RGS7BP: variants seen among roughly 807,000 people sequenced by gnomAD.
RGS7BP encodes the protein regulator of G protein signaling 7-binding protein.
Under a neutral mutation model 31.3 loss-of-function variants are expected in RGS7BP, and 9 were observed. The observed-to-expected ratio is 0.29, with a 90% confidence interval of 0.17 to 0.50. The LOEUF is 0.50. Among genes scored for constraint, RGS7BP ranks in the 20% least tolerant of loss-of-function variants. RGS7BP has a pLI of 0.98. For synonymous variants in RGS7BP, 115 were observed against 120.1 expected, an observed-to-expected ratio of 0.96 and a Z score of 0.28; for missense variants, 274 against 322.0, an observed-to-expected ratio of 0.85 and a Z score of 1.14.
intron 2 of RGS7BP, among the ~76,000 whole-genome samples, chr5:64,543,143 C>T (rs1741566458): frequency 6.6e-6 from 1 of 152,166 alleles, no homozygotes; most frequent in Admixed American, 6.5e-5. Flanking sequence ...TGAGGACACT[C>T]ATAGGAGACT....
intron 2 of RGS7BP, 27 bp downstream of exon 2, chr5:64,507,904 T>C (rs1474502535): frequency 1.3e-6 from 2 of 1,589,724 alleles, no homozygotes; most frequent in Admixed American, 1.7e-5. Flanking sequence ...TATTTGGTAA[T>C]CCATATACAT....
chr5:64,565,849 A>C (rs1742156667), intron 2 of RGS7BP, among the ~76,000 whole-genome samples: 1 of 152,178 alleles, frequency 6.6e-6, no homozygotes, highest in Admixed American at 6.6e-5. Context: ...CTTTTTGTAG[A>C]AAATAGATTT....
chr5:64,512,887 C>T (rs1447386893), intron 2 of RGS7BP, among the ~76,000 whole-genome samples: 1 of 152,054 alleles, frequency 6.6e-6, no homozygotes, highest in Admixed American at 6.5e-5. Flanking sequence ...CATAAATCAG[C>T]CTAGATTCTT....
chr5:64,521,758 C>T (rs1749113788), intron 2 of RGS7BP, among the ~76,000 whole-genome samples: 1 of 152,058 alleles, frequency 6.6e-6, no homozygotes, highest in African/African-American at 2.4e-5. Flanking sequence ...TAAAATGGTC[C>T]TTGATATATA....
Position 64,611,517 on chromosome 5 carries a change from G to A in RGS7BP, c.*2265G>A, listed in dbSNP as rs1392332204. 6.6e-6 allele frequency: 1 copy of A among 152,160 alleles called. No individual in the cohort carries two copies. Among genetic ancestry groups the A allele is most frequent in the African/African-American group, 2.4e-5 (1 of 41,342 alleles). 9.4% of individuals were successfully genotyped at this position (152,160 alleles called of 1,614,324 possible). A position where few individuals can be genotyped will look rare whatever the true frequency, so the allele number is the denominator to read the frequency against. The stretch of plus-strand genomic sequence containing the variant: ...AACTGAAGACTGTTAATAAATTCAG[G>A]TCTCACCTCCATGTCTGAAAAGGCT... On this transcript the variant is annotated 3_prime_UTR_variant, in exon 6 of 6. Coordinates refer to ENST00000334025, the MANE Select transcript of RGS7BP (RefSeq NM_001029875.3).
chr5:64,551,262 A>ATTTTTTT (rs1561331804), intron 2 of RGS7BP, among the ~76,000 whole-genome samples: 3 of 147,826 alleles, frequency 2.0e-5, no homozygotes, highest in African/African-American at 2.5e-5. Context: ...TTTATTTTTT[A>ATTTTTTT]TTTTATTTTT....
At position 64,506,477 on chromosome 5, in the gene RGS7BP, A is replaced by C. The variant is rs1748680545; in HGVS notation, c.-148A>C. 3 of 554,104 alleles carry C rather than the reference A, an allele frequency of 5.4e-6. No individual in the cohort carries two copies. The Admixed American group carries it at 1.0e-4, about 19-fold the overall frequency. The allele number at this position is 554,104 out of a possible 1,614,324, so 34.3% of individuals were successfully genotyped here. ...CCGGCTCTCCTTCAAGCTGAAGGTT[A>C]CCGACCCGCGCAGCCAGCCCCAGCA... is the stretch of plus-strand genomic sequence containing the variant. On this transcript the variant is annotated 5_prime_UTR_variant, in exon 1 of 6. Transcript: ENST00000334025. This position sits in a 1 kb window ranked among gnomAD's most constrained non-coding sequence, Gnocchi z 4.6.
intron 2 of RGS7BP, among the ~76,000 whole-genome samples, chr5:64,534,899 C>A (rs1331919590): frequency 6.6e-6 from 1 of 152,114 alleles, no homozygotes; most frequent in African/African-American, 2.4e-5. Flanking sequence ...GGGCTGGGCA[C>A]TGAGGTGCTC....
chr5:64,530,645 A>G (rs1749346369), intron 2 of RGS7BP, among the ~76,000 whole-genome samples: 1 of 152,176 alleles, frequency 6.6e-6, no homozygotes, highest in African/African-American at 2.4e-5. Context: ...ATGTGGTTCA[A>G]GTGTATTAGG....
chr5:64,544,660 C>A (rs981426067), intron 2 of RGS7BP, among the ~76,000 whole-genome samples: 1 of 150,586 alleles, frequency 6.6e-6, no homozygotes, highest in Non-Finnish European at 1.5e-5. Context: ...GGCAACCAAG[C>A]GAGACCCTGT....
At chr5:64,556,504 C>T (rs1361689385) in intron 2 of RGS7BP, among the ~76,000 whole-genome samples, 3 of 149,332 alleles carry the variant, frequency 2.0e-5, no homozygotes, top group Admixed American at 1.3e-4. Flanking sequence ...AGAAAATGTC[C>T]AGATGGTTAG....
chr5:64,573,350 G>A (rs1742344075), intron 2 of RGS7BP, among the ~76,000 whole-genome samples: 1 of 151,968 alleles, frequency 6.6e-6, no homozygotes, highest in Non-Finnish European at 1.5e-5. Context: ...TAATATGGTA[G>A]TCATTTGTTT....
At chr5:64,606,039 T>TATATAGAGAG (rs1423740473) in intron 5 of RGS7BP, among the ~76,000 whole-genome samples, 13 of 123,714 alleles carry the variant, frequency 1.1e-4, no homozygotes, top group African/African-American at 2.2e-4. Flanking sequence ...TATATATATA[T>TATATAGAGAG]AGAGAGAGAG....
chr5:64,608,427 CCCT>C (rs1743419226), intron 5 of RGS7BP, among the ~76,000 whole-genome samples: 6 of 151,966 alleles, frequency 3.9e-5, no homozygotes, highest in African/African-American at 1.2e-4. Context: ...TCTATGAATG[CCCT>C]TGTGTACAGA....
chr5:64,595,616 C>T (rs1354656868), intron 4 of RGS7BP, among the ~76,000 whole-genome samples: 1 of 152,138 alleles, frequency 6.6e-6, no homozygotes, highest in African/African-American at 2.4e-5. Context: ...AGATAAGCCT[C>T]TTGTTTATTT....
chr5:64,570,971 T>G (rs1326174528), intron 2 of RGS7BP, among the ~76,000 whole-genome samples: 2 of 152,090 alleles, frequency 1.3e-5, no homozygotes, highest in Non-Finnish European at 2.9e-5. Flanking sequence ...TTGCATGTAA[T>G]CAAATGCAAA....
intron 2 of RGS7BP, among the ~76,000 whole-genome samples, chr5:64,561,727 T>G (rs1742060894): frequency 6.6e-6 from 1 of 152,182 alleles, no homozygotes; most frequent in South Asian, 2.1e-4. Context: ...CTCACCAAGC[T>G]TTTTTCCCTC....
intron 3 of RGS7BP, among the ~76,000 whole-genome samples, chr5:64,576,946 A>G (rs767187017): frequency 2.6e-5 from 4 of 152,350 alleles, no homozygotes; most frequent in African/African-American, 7.2e-5. Context: ...ATCCTTGCCT[A>G]TGATTTAAAT....
At chr5:64,573,264 CACCTAAT>C in intron 2 of RGS7BP, among the ~76,000 whole-genome samples, 1 of 151,980 alleles carries the variant, frequency 6.6e-6, no homozygotes, top group South Asian at 2.1e-4. Context: ...TTCTCAGAAG[CACCTAAT>C]ACATTGCTTT....
Sources: allele counts gnomAD v4.1 joint callset (sites outside exome capture counted in the v4.1 genomes callset), GRCh38; gene constraint gnomAD v4.1.1; non-coding constraint Gnocchi (gnomAD v3.1); transcripts MANE v1.5; gene names NCBI Gene and HGNC (gene_info 2026-07-23, HGNC 2026-07-21).